CTH: variants seen among roughly 807,000 people sequenced by gnomAD.
The protein encoded by CTH is cystathionine gamma-lyase, also known as cystathionase (cystathionine gamma-lyase).
In CTH, 41 loss-of-function variants were observed where a neutral mutation model predicts 50.6. The ratio of observed to expected loss-of-function variants is 0.81; its 90% CI spans 0.63 to 1.05. The LOEUF (loss-of-function observed/expected upper bound fraction) is 1.05, where lower values mean the gene tolerates loss of function less well. Ranked by LOEUF, CTH falls within the 50% of genes least tolerant of loss-of-function variation. The pLI, the probability that CTH is intolerant of heterozygous loss-of-function variation, is 0.00. For synonymous variants in CTH, 156 were observed against 168.9 expected (o/e 0.92, Z 0.59); for missense variants, 470 against 492.6 (o/e 0.95, Z 0.43).
intron 8 of CTH, 82 bp from the exon 9 acceptor site, chr1:70,433,746 G>T: frequency 6.3e-7 from 1 of 1,592,538 alleles, no homozygotes; most frequent in South Asian, 1.1e-5. Context: ...CAGTTAAGTA[G>T]ACAGTGAAAA....
chr1:70,432,317 T>G, intron 8 of CTH, 82 bp downstream of exon 8: 1 of 1,520,704 alleles, frequency 6.6e-7, no homozygotes, highest in Non-Finnish European at 9.1e-7. Flanking sequence ...CATTTATTTG[T>G]AAGTTAGGTG....
Position 70,413,739 on chromosome 1 carries a change from C to CTTT in CTH, c.168+2174_168+2176dup, listed in dbSNP as rs765540452. 3.1e-3 allele frequency among the ~76,000 whole-genome samples: 363 copies of CTTT among 118,202 alleles called. 10 individuals are homozygous for CTTT. Among genetic ancestry groups the CTTT allele is most frequent in the East Asian group, 0.016 (60 of 3,754 alleles). The allele number at this position is 118,202 out of a possible 152,430, so 77.5% of individuals were successfully genotyped here. ...AATCCACAAAAACTCTGCTTAATATCTTTTTTTTTTTTTTTTTTTTGAGAC... is the reference window on the plus strand; with the variant it reads ...AATCCACAAAAACTCTGCTTAATATCTTTTTTTTTTTTTTTTTTTTTTTGAGAC... On this transcript the variant is annotated intron_variant, in intron 1 of 11. Coordinates refer to ENST00000370938, the MANE Select transcript of CTH (RefSeq NM_001902.6).
chr1:70,425,249 A>G (rs1481272672), intron 5 of CTH, among the ~76,000 whole-genome samples: 1 of 152,198 alleles, frequency 6.6e-6, no homozygotes, highest in Non-Finnish European at 1.5e-5. Flanking sequence ...ATTTTACATT[A>G]TAGCTGTAAG....
intron 3 of CTH, 36 bp downstream of exon 3, chr1:70,418,068 G>A: frequency 1.9e-6 from 3 of 1,596,338 alleles, no homozygotes; most frequent in East Asian, 2.2e-5. Context: ...CTGTAAACTT[G>A]TATTTTACAG....
At chr1:70,424,774 A>C (rs1684310834) in intron 5 of CTH, among the ~76,000 whole-genome samples, 1 of 152,172 alleles carries the variant, frequency 6.6e-6, no homozygotes, top group South Asian at 2.1e-4. Context: ...CTAAAAATAC[A>C]AAAAATTAGC....
chr1:70,430,688 C>T (rs1364198663), intron 7 of CTH, among the ~76,000 whole-genome samples: 1 of 151,546 alleles, frequency 6.6e-6, no homozygotes, highest in East Asian at 2.0e-4. Context: ...ATTACAGGTG[C>T]CCACCACCAT....
chr1:70,438,658 G>C, intron 10 of CTH, 30 bp from the exon 11 acceptor site: 1 of 1,613,444 alleles, frequency 6.2e-7, no homozygotes, highest in Non-Finnish European at 8.5e-7. Flanking sequence ...ACAATATAGT[G>C]ATCAAAAATT....
chr1:70,412,605 A>G (rs1040998183), intron 1 of CTH, among the ~76,000 whole-genome samples: 5 of 152,194 alleles, frequency 3.3e-5, no homozygotes, highest in Non-Finnish European at 5.9e-5. Flanking sequence ...CAACTCAAAC[A>G]ACAACAGAAA....
At position 70,439,171 on chromosome 1, in the gene CTH, A is replaced by ATCT. The variant is rs1557476743; in HGVS notation, c.*47_*49dup. 3.8e-6 allele frequency: 6 copies of ATCT among 1,580,700 alleles called. No individual in the cohort carries two copies. Among genetic ancestry groups the ATCT allele is most frequent in the Non-Finnish European group, 5.2e-6 (6 of 1,149,514 alleles). ...AGAAGCTGCTTCCTGTGAAGATCAA[A>ATCT]TCTTCCTGAGTAATTAAATGGACCA... On this transcript the variant is annotated 3_prime_UTR_variant, in exon 12 of 12. Coordinates refer to ENST00000370938, the MANE Select transcript of CTH (RefSeq NM_001902.6).
chr1:70,428,635 A>AATCTT (rs1684399445), intron 5 of CTH, among the ~76,000 whole-genome samples: 1 of 151,538 alleles, frequency 6.6e-6, no homozygotes, highest in Non-Finnish European at 1.5e-5. Context: ...TTTGAGACAG[A>AATCTT]ATCTTGCTCT....
chr1:70,411,514 C>T lies in CTH; in HGVS notation c.99C>T (p.Thr33=), dbSNP rs1370237143. 1.2e-6 allele frequency: 2 copies of T among 1,614,102 alleles called. No homozygotes were observed. The highest frequency in any genetic ancestry group is 2.7e-5 in the African/African-American group (2 of 74,940). The change falls in exon 1 of 12, where the codon ACC becomes ACT. Residue 33 remains threonine (T), a synonymous_variant. Coordinates refer to ENST00000370938, the MANE Select transcript of CTH (RefSeq NM_001902.6). ...IHVGQDPEQW[T]SRAVVPPISL... is the part of the protein sequence containing the mutation. ...TGGGCCAGGATCCAGAGCAATGGAC[C>T]TCCAGGGCTGTAGTGCCCCCCATCT... is the stretch of plus-strand genomic sequence containing the variant.
intron 7 of CTH, chr1:70,431,029 A>G (rs1684462262): frequency 6.6e-6 from 1 of 151,926 alleles, no homozygotes; most frequent in African/African-American, 2.4e-5. Context: ...ATACAAACCA[A>G]TTAGCCAGGT....
Position 70,416,009 on chromosome 1 carries a change from A to G in CTH, c.222A>G (p.Ala74=). ...GNPTRNCLEK[A]VAALDGAKYC... is the part of the protein sequence containing the mutation. Reference sequence around the variant, plus strand: ...CCACTAGGAATTGCCTTGAAAAAGCAGTGGCAGCACTGGATGGGGCTAAGT... The same window carrying G: ...CCACTAGGAATTGCCTTGAAAAAGCGGTGGCAGCACTGGATGGGGCTAAGT... Residue 74 remains alanine (A), a synonymous_variant, in exon 2 of 12, where the codon GCA becomes GCG. Transcript: ENST00000370938. The G allele has an allele frequency of 6.2e-7, 1 of 1,607,586 alleles. No individual in the cohort carries two copies. The highest frequency in any genetic ancestry group is 2.2e-5 in the East Asian group (1 of 44,848).
In CTH at chr1:70,411,409, G is replaced by A. The variant is rs1034258407; in HGVS notation, c.-7G>A. 3 of 1,613,996 alleles carry A rather than the reference G, an allele frequency of 1.9e-6. No homozygotes were observed. Among genetic ancestry groups the A allele is most frequent in the Admixed American group, 1.7e-5 (1 of 60,026 alleles). On this transcript the variant is annotated 5_prime_UTR_variant, in exon 1 of 12. Coordinates refer to ENST00000370938, the MANE Select transcript of CTH (RefSeq NM_001902.6). ...TCTTTTCCTCTCTTCTTCTTTCGCG[G>A]TTCAGCATGCAGGAAAAAGACGCCT...
rs76751106 is a variant in CTH at position 70,439,516 on chromosome 1, T to C, written c.*389T>C. ...TTTAAACGAATGTTCTTAAATCAAG[T>C]GTGATTTTTTTGCATATCATTGAAA... On this transcript the variant is annotated 3_prime_UTR_variant, in exon 12 of 12. Transcript: ENST00000370938. 3,156 of 202,522 alleles carry C rather than the reference T, an allele frequency of 0.016. 111 individuals are homozygous for C. Among genetic ancestry groups the C allele is most frequent in the African/African-American group, 0.069 (2,967 of 42,704 alleles). The allele number at this position is 202,522 out of a possible 1,614,324, so 12.5% of individuals were successfully genotyped here.
rs148057648 is a variant in CTH at position 70,432,174 on chromosome 1, C to T, written c.816C>T (p.Asn272=). The T allele has an allele frequency of 3.9e-4, 627 of 1,614,164 alleles. 8 individuals carry two copies. In the South Asian group the frequency reaches 4.7e-3, roughly 12 times the overall value. Residue 272 remains asparagine, a synonymous_variant, in exon 8 of 12, where the codon AAC becomes AAT. Coordinates refer to ENST00000370938, the MANE Select transcript of CTH (RefSeq NM_001902.6). ...TCCGAATGGAAAAGCATTTCAAAAA[C>T]GGAATGGCAGTTGCCCAGTTCCTGG... ...LHVRMEKHFK[N]GMAVAQFLES...
chr1:70,426,664 T>C (rs1369238190), intron 5 of CTH, among the ~76,000 whole-genome samples: 1 of 152,232 alleles, frequency 6.6e-6, no homozygotes, highest in Non-Finnish European at 1.5e-5. Flanking sequence ...AATGTATCTT[T>C]GATTGCTGAT....
rs762711599 is a variant in CTH, at chr1:70,432,169, A to G, written c.811A>G (p.Lys271Glu). 2 of 1,614,202 alleles carry G rather than the reference A, an allele frequency of 1.2e-6. No individual in the cohort carries two copies. Among genetic ancestry groups the G allele is most frequent in the Admixed American group, 3.3e-5 (2 of 60,032 alleles). The change falls in exon 8 of 12, where the codon AAA becomes GAA. Residue 271 changes from lysine (K) to glutamate (E), a missense_variant. Transcript: ENST00000370938. Reference sequence around the variant, plus strand: ...ACATGTCCGAATGGAAAAGCATTTCAAAAACGGAATGGCAGTTGCCCAGTT... The same window carrying G: ...ACATGTCCGAATGGAAAAGCATTTCGAAAACGGAATGGCAGTTGCCCAGTT... The part of the protein sequence containing the change: ...TLHVRMEKHF[K>E]NGMAVAQFLE...
intron 3 of CTH, 140 bp downstream of exon 3, chr1:70,418,172 C>A: frequency 1.0e-6 from 1 of 982,892 alleles, no homozygotes; most frequent in Non-Finnish European, 1.5e-6. Context: ...CCTCTATGCT[C>A]TCTCAGACTT....
Sources: gnomAD v4.1 joint callset for allele counts (sites outside exome capture counted in the v4.1 genomes callset) on GRCh38, gnomAD v4.1.1 for gene constraint, MANE v1.5 for transcripts, NCBI Gene and HGNC (gene_info 2026-07-23, HGNC 2026-07-21) for gene names.